GPHN: variants seen among roughly 807,000 people sequenced by gnomAD.
GPHN encodes gephyrin.
A neutral mutation model predicts 95.5 loss-of-function variants in GPHN; 17 were observed. That is an observed-to-expected ratio of 0.18 (90% CI 0.12 to 0.27). The LOEUF (loss-of-function observed/expected upper bound fraction) is 0.27, where lower values mean the gene tolerates loss of function less well. GPHN is among the 10% of genes least tolerant of loss of function. The pLI is 1.00. For synonymous variants in GPHN, 320 were observed against 322.5 expected, an observed-to-expected ratio of 0.99 and a Z score of 0.08; for missense variants, 660 against 978.1, an observed-to-expected ratio of 0.67 and a Z score of 4.34.
chr14:67,181,807 A>T (rs969025723), downstream of GPHN: 4 of 185,426 alleles, frequency 2.2e-5, no homozygotes, highest in African/African-American at 9.5e-5. Context: ...TTAAAAATGT[A>T]ATGTGTTGGC....
intron 11 of GPHN, among the ~76,000 whole-genome samples, chr14:67,068,811 C>T (rs1037880159): frequency 1.3e-5 from 2 of 152,166 alleles, no homozygotes; most frequent in Non-Finnish European, 2.9e-5. Flanking sequence ...ATACTGACCA[C>T]AGCACAAAGG....
At chr14:66,681,995 ACC>A (rs2066965056) in intron 2 of GPHN, among the ~76,000 whole-genome samples, 2 of 152,292 alleles carry the variant, frequency 1.3e-5, no homozygotes, top group South Asian at 4.1e-4. Flanking sequence ...CATGTAATAT[ACC>A]CTCCCACGGG....
intron 1 of GPHN, among the ~76,000 whole-genome samples, chr14:66,636,738 T>C (rs1286798993): frequency 3.3e-5 from 5 of 152,138 alleles, no homozygotes; most frequent in Non-Finnish European, 7.4e-5. Context: ...TCAGGATGCT[T>C]GCAACATGGA....
the GPHN span, among the ~76,000 whole-genome samples, chr14:67,644,366 T>C: frequency 6.6e-6 from 1 of 152,180 alleles, no homozygotes; most frequent in Non-Finnish European, 1.5e-5. Context: ...AGAAATTAGA[T>C]GGTTTGTCTT....
intron 3 of GPHN, among the ~76,000 whole-genome samples, chr14:66,781,472 C>T (rs761158877): frequency 6.6e-5 from 10 of 152,124 alleles, no homozygotes; most frequent in Non-Finnish European, 1.0e-4. Flanking sequence ...CCTGCCTCGG[C>T]CTCCCAAAGT....
intron 1 of GPHN, among the ~76,000 whole-genome samples, chr14:66,641,884 G>C (rs1013624314): frequency 6.6e-6 from 1 of 152,120 alleles, no homozygotes; most frequent in South Asian, 2.1e-4. Flanking sequence ...GTAAAAAAAT[G>C]ACTATCTCTT....
the GPHN span, chr14:67,388,080 A>G: frequency 3.4e-6 from 2 of 595,832 alleles, no homozygotes; most frequent in Non-Finnish European, 6.1e-6. Flanking sequence ...CAATTCTGAA[A>G]TTCACTTCAA....
intron 4 of GPHN, chr14:66,842,655 T>C (rs1194511358): frequency 6.5e-7 from 1 of 1,530,824 alleles, no homozygotes; most frequent in Non-Finnish European, 8.8e-7. Context: ...AAATCCCTTT[T>C]CTCTTCTGTT....
At chr14:67,514,816 A>T in the GPHN span, among the ~76,000 whole-genome samples, 3 of 151,972 alleles carry the variant, frequency 2.0e-5, no homozygotes, top group Non-Finnish European at 2.9e-5. Context: ...CCCTTCCCCA[A>T]CACGCCCCCC....
At chr14:67,440,105 G>A in the GPHN span, among the ~76,000 whole-genome samples, 6 of 152,144 alleles carry the variant, frequency 3.9e-5, no homozygotes, top group African/African-American at 1.2e-4. Flanking sequence ...CAAAGTGCTG[G>A]GATTACAGGC....
chr14:67,529,552 C>T, the GPHN span, among the ~76,000 whole-genome samples: 1 of 152,136 alleles, frequency 6.6e-6, no homozygotes, highest in Admixed American at 6.5e-5. Context: ...CTCACATGCA[C>T]ACATATACAC....
At chr14:66,573,515 C>T (rs912096566) in intron 1 of GPHN, among the ~76,000 whole-genome samples, 15 of 147,830 alleles carry the variant, frequency 1.0e-4, no homozygotes, top group African/African-American at 3.3e-4. Context: ...CACAGTGGTG[C>T]GATCTTGGCT....
the GPHN span, among the ~76,000 whole-genome samples, chr14:67,672,678 A>G: frequency 4.0e-5 from 6 of 150,956 alleles, no homozygotes; most frequent in East Asian, 9.8e-4. Flanking sequence ...CCTGACCTCA[A>G]GTGATCCGCC....
At chr14:67,612,516 G>A in the GPHN span, among the ~76,000 whole-genome samples, 9 of 152,180 alleles carry the variant, frequency 5.9e-5, no homozygotes, top group African/African-American at 2.2e-4. Flanking sequence ...GGTAATTGAC[G>A]AAGGGTTCTG....
the GPHN span, among the ~76,000 whole-genome samples, chr14:67,248,047 A>G: frequency 2.4e-3 from 370 of 152,276 alleles, 9 homozygotes; most frequent in East Asian, 0.017. Context: ...GAATTTTATC[A>G]TATGCCTTTT....
the GPHN span, among the ~76,000 whole-genome samples, chr14:67,550,281 G>A: frequency 2.6e-5 from 4 of 151,960 alleles, no homozygotes; most frequent in Non-Finnish European, 5.9e-5. Context: ...CTCTGCCCCC[G>A]AGGCTCAAGC....
chr14:66,721,457 T>C (rs1195177713), intron 2 of GPHN, among the ~76,000 whole-genome samples: 1 of 152,200 alleles, frequency 6.6e-6, no homozygotes, highest in Non-Finnish European at 1.5e-5. Context: ...CTTATATTAA[T>C]AACATATATC....
chr14:67,285,964 C>G, the GPHN span, among the ~76,000 whole-genome samples: 1 of 152,152 alleles, frequency 6.6e-6, no homozygotes, highest in Admixed American at 6.5e-5. Flanking sequence ...AATATATTCT[C>G]TCTTTTAAAT....
At chr14:67,426,772 T>C in the GPHN span, among the ~76,000 whole-genome samples, 4 of 152,164 alleles carry the variant, frequency 2.6e-5, no homozygotes, top group Admixed American at 6.5e-5. Context: ...ACGGGGTTTC[T>C]CCATGTTGGG....
Sources: allele counts gnomAD v4.1 joint callset (sites outside exome capture counted in the v4.1 genomes callset), GRCh38; gene constraint gnomAD v4.1.1; transcripts MANE v1.5; gene names NCBI Gene and HGNC (gene_info 2026-07-23, HGNC 2026-07-21).